MAD1L1: variants seen among roughly 807,000 people sequenced by gnomAD.
MAD1L1 encodes the protein mitotic arrest deficient 1 like 1.
A neutral mutation model predicts 96.9 loss-of-function variants in MAD1L1; 95 were observed. That is an observed-to-expected ratio of 0.98 (90% CI 0.83 to 1.16). MAD1L1 has a LOEUF of 1.16. Among genes scored for constraint, MAD1L1 ranks in the 50% most tolerant of loss-of-function variants. MAD1L1 has a pLI of 0.00. For synonymous variants in MAD1L1, 473 were observed against 396.6 expected (o/e 1.19, Z -2.29); for missense variants, 1,007 against 954.4 (o/e 1.06, Z -0.73).
At chr7:1,868,116 T>A (rs1458773987) in intron 18 of MAD1L1, among the ~76,000 whole-genome samples, 1 of 152,114 alleles carries the variant, frequency 6.6e-6, no homozygotes, top group East Asian at 1.9e-4. Flanking sequence ...TCCTGCACCC[T>A]GCCATTCAGC....
chr7:2,044,152 G>A (rs774622332), intron 12 of MAD1L1, among the ~76,000 whole-genome samples: 6 of 152,340 alleles, frequency 3.9e-5, no homozygotes, highest in East Asian at 3.9e-4. Flanking sequence ...AAATCATAGC[G>A]AATGCTCACA....
Position 1,964,910 on chromosome 7 carries a change from G to C in MAD1L1, c.1506-7191C>G, listed in dbSNP as rs568641930. Among the ~76,000 whole-genome samples, 381 of 152,334 alleles carry C rather than the reference G, an allele frequency of 2.5e-3. 1 individual carries two copies. Among genetic ancestry groups the C allele is most frequent in the Non-Finnish European group, 3.9e-3 (264 of 68,018 alleles). ...GGGCCTGGAGAGGGGACAGTAGGGA[G>C]ACCCGAGGCCCAACGGGCAGACAGC... On this transcript the variant is annotated intron_variant, in intron 15 of 18. Transcript: ENST00000265854.
intron 14 of MAD1L1, among the ~76,000 whole-genome samples, chr7:2,000,709 G>A (rs1781755432): frequency 6.6e-6 from 1 of 152,238 alleles, no homozygotes; most frequent in Non-Finnish European, 1.5e-5. Flanking sequence ...GCAGGAGCCT[G>A]TGTTGCTGGC....
rs150126301 is a variant in MAD1L1 at position 1,939,155 on chromosome 7, G to A, written c.1597-2258C>T. Among the ~76,000 whole-genome samples, 345 of 118,840 alleles carry A rather than the reference G, an allele frequency of 2.9e-3. 2 individuals carry two copies. Among genetic ancestry groups the A allele is most frequent in the East Asian group, 0.013 (44 of 3,426 alleles). The allele number at this position is 118,840 out of a possible 152,430, so 78.0% of individuals were successfully genotyped here. A position where few individuals can be genotyped will look rare whatever the true frequency, so the allele number is the denominator to read the frequency against. The stretch of plus-strand genomic sequence containing the variant: ...ACGGGCCAGGGCCGGGACCAGAGGC[G>A]CACACACACATACGGGCCAGGGCCA... On this transcript the variant is annotated intron_variant, in intron 16 of 18. Transcript: ENST00000265854.
chr7:2,216,284 G>C lies in MAD1L1; in HGVS notation c.682C>G (p.Leu228Val), dbSNP rs774509268. Residue 228 changes from leucine (L) to valine (V), a missense_variant, in exon 8 of 19, where the codon CTG becomes GTG. Leu to Val is a conservative substitution (Grantham distance 32). Transcript: ENST00000265854. ...TCTTGCAGGGACAGCTTCTGCTCCA[G>C]ATCCTGATGGAGGCCAGGGACAGAG... ...RADHEQQIKD[L>V]EQKLSLQEQD... 6 of 1,613,264 alleles carry C rather than the reference G, an allele frequency of 3.7e-6. No homozygotes were observed. In the African/African-American group the frequency reaches 8.0e-5, roughly 22 times the overall value.
chr7:1,913,804 G>T (rs1463306190), intron 17 of MAD1L1, among the ~76,000 whole-genome samples: 1 of 152,132 alleles, frequency 6.6e-6, no homozygotes, highest in Non-Finnish European at 1.5e-5. Flanking sequence ...GGGAGTGGAG[G>T]GGAGGCTCCC....
intron 18 of MAD1L1, among the ~76,000 whole-genome samples, chr7:1,842,074 T>C (rs1283783575): frequency 2.0e-5 from 3 of 152,182 alleles, no homozygotes; most frequent in Admixed American, 1.3e-4. Flanking sequence ...GGCTGAAAAT[T>C]TGATCATGAA....
At chr7:2,133,258 G>A (rs917159118) in intron 11 of MAD1L1, among the ~76,000 whole-genome samples, 27 of 151,612 alleles carry the variant, frequency 1.8e-4, no homozygotes, top group Non-Finnish European at 4.0e-4. Context: ...TCACCCACGT[G>A]TCTGCTTTGG....
rs1242609796 is a variant in MAD1L1 at position 1,968,294 on chromosome 7, C to A, written c.1506-10575G>T. Reference sequence around the variant, plus strand: ...TGTCCACATCAACGCCTCAGTCCAGCGGTCAGGTCCACTGTCAACGCCTCA... The same window carrying A: ...TGTCCACATCAACGCCTCAGTCCAGAGGTCAGGTCCACTGTCAACGCCTCA... On this transcript the variant is annotated intron_variant, in intron 15 of 18. Coordinates refer to ENST00000265854, the MANE Select transcript of MAD1L1 (RefSeq NM_001013836.2). This position sits in a 1 kb window ranked among gnomAD's most constrained non-coding sequence, Gnocchi z 5.6. 6.6e-6 allele frequency among the ~76,000 whole-genome samples: 1 copy of A among 150,822 alleles called. No homozygotes were observed.
intron 10 of MAD1L1, among the ~76,000 whole-genome samples, chr7:2,151,317 AGCG>A (rs1409549651): frequency 2.0e-5 from 3 of 152,256 alleles, no homozygotes; most frequent in Non-Finnish European, 4.4e-5. Flanking sequence ...GCCCAGAACC[AGCG>A]GCAGGTGGGG....
intron 12 of MAD1L1, among the ~76,000 whole-genome samples, chr7:2,051,615 G>C (rs2128517939): frequency 6.6e-6 from 1 of 151,486 alleles, no homozygotes; most frequent in Non-Finnish European, 1.5e-5. Context: ...CATCCGCCGG[G>C]TCACCTTGCT....
rs1779791572 is a variant in MAD1L1 at position 1,957,776 on chromosome 7, C to G, written c.1506-57G>C. On this transcript the variant is annotated intron_variant, in intron 15 of 18. Transcript: ENST00000265854. ...CCGAGGCCAGCCATGCTGGGGAAGT[C>G]CCACCCTCTGGGTGATAAGGAGGTG... 9.8e-6 allele frequency: 15 copies of G among 1,535,956 alleles called. No homozygotes were observed. The South Asian group carries it at 1.5e-4, about 15-fold the overall frequency.
chr7:2,209,964 C>CG (rs1792822132), intron 10 of MAD1L1: 1 of 152,298 alleles, frequency 6.6e-6, no homozygotes, highest in Non-Finnish European at 1.5e-5. Context: ...GTGTCCCTGT[C>CG]GCCGACTTCA....
At chr7:2,098,355 G>T (rs558341278) in intron 11 of MAD1L1, among the ~76,000 whole-genome samples, 1 of 152,198 alleles carries the variant, frequency 6.6e-6, no homozygotes, top group African/African-American at 2.4e-5. Flanking sequence ...GGACCCAGGT[G>T]CTCAGTCCAG....
intron 10 of MAD1L1, among the ~76,000 whole-genome samples, chr7:2,184,914 C>G (rs1263907819): frequency 6.6e-6 from 1 of 152,138 alleles, no homozygotes; most frequent in Non-Finnish European, 1.5e-5. Context: ...AGGCAGGAGA[C>G]TCACTCGAAC....
chr7:2,053,523 G>C (rs1165056983), intron 12 of MAD1L1, among the ~76,000 whole-genome samples: 1 of 152,244 alleles, frequency 6.6e-6, no homozygotes, highest in Non-Finnish European at 1.5e-5. Context: ...TGGGTTCCGG[G>C]AAGTAGAGAA....
intron 18 of MAD1L1, among the ~76,000 whole-genome samples, chr7:1,866,406 G>GC (rs1414995237): frequency 6.6e-6 from 1 of 152,092 alleles, no homozygotes; most frequent in African/African-American, 2.4e-5. Context: ...AGCTCCCTGT[G>GC]CCCCCACTGC....
At chr7:2,086,059 G>T (rs983468723) in intron 11 of MAD1L1, among the ~76,000 whole-genome samples, 2 of 152,140 alleles carry the variant, frequency 1.3e-5, no homozygotes, top group Non-Finnish European at 2.9e-5. Flanking sequence ...ACCCTGCCCG[G>T]GAGGACTCCA....
intron 10 of MAD1L1, among the ~76,000 whole-genome samples, chr7:2,165,895 G>A (rs537906218): frequency 7.2e-5 from 11 of 152,296 alleles, no homozygotes; most frequent in South Asian, 4.1e-4. Flanking sequence ...GTCTGTGTAC[G>A]CAGAATGACC....
Sources: gnomAD v4.1 joint callset for allele counts (sites outside exome capture counted in the v4.1 genomes callset) on GRCh38, gnomAD v4.1.1 for gene constraint, Gnocchi (gnomAD v3.1) non-coding constraint, MANE v1.5 for transcripts, NCBI Gene and HGNC (gene_info 2026-07-23, HGNC 2026-07-21) for gene names.